FHOD3: variants seen among roughly 807,000 people sequenced by gnomAD.
The protein encoded by FHOD3 is FH1/FH2 domain-containing protein 3.
FHOD3 carries 90 observed loss-of-function variants against 173.0 expected under a neutral mutation model. The ratio of observed to expected loss-of-function variants is 0.52; its 90% CI spans 0.44 to 0.62. FHOD3 has a LOEUF of 0.62. FHOD3 is among the 20% of genes least tolerant of loss of function. FHOD3 has a pLI of 0.00. For synonymous variants in FHOD3, 828 were observed against 823.0 expected (o/e 1.01, Z -0.10); for missense variants, 1,945 against 2,034.7 (o/e 0.96, Z 0.85).
chr18:36,740,790 A>G lies in FHOD3; in HGVS notation c.3711A>G (p.Ala1237=), dbSNP rs764115457. Residue 1237 remains alanine, a synonymous_variant, in exon 21 of 29, where the codon GCA becomes GCG. Coordinates refer to ENST00000590592, the MANE Select transcript of FHOD3 (RefSeq NM_001281740.3). ...LTLSSISELS[A]RLHLWAFKMD... ...TGTCCTCCATCAGCGAGCTCTCTGCACGACTTCACCTCTGGGCATTCAAAA... is the reference window on the plus strand; with the variant it reads ...TGTCCTCCATCAGCGAGCTCTCTGCGCGACTTCACCTCTGGGCATTCAAAA... 9 of 1,613,994 alleles carry G rather than the reference A, an allele frequency of 5.6e-6. 1 individual carries two copies. The South Asian group carries it at 9.9e-5, about 18-fold the overall frequency.
intron 3 of FHOD3, among the ~76,000 whole-genome samples, chr18:36,402,761 C>G (rs1425976670): frequency 2.0e-5 from 3 of 152,184 alleles, no homozygotes; most frequent in African/African-American, 4.8e-5. Context: ...AAGGAATTTT[C>G]TATCTTTCTG....
intron 5 of FHOD3, among the ~76,000 whole-genome samples, chr18:36,520,655 G>C (rs1266024015): frequency 6.6e-6 from 1 of 152,196 alleles, no homozygotes; most frequent in Admixed American, 6.5e-5. Context: ...ATGCCTCCGA[G>C]TGCTTCAGCT....
intron 17 of FHOD3, among the ~76,000 whole-genome samples, chr18:36,705,267 C>T (rs571625094): frequency 2.0e-5 from 3 of 152,358 alleles, no homozygotes; most frequent in East Asian, 1.9e-4. Flanking sequence ...TGCCAGGCCA[C>T]GCAGCTTTCA....
chr18:36,537,606 A>G lies in FHOD3; in HGVS notation c.511+25063A>G, dbSNP rs926479668. The stretch of plus-strand genomic sequence containing the variant: ...TAAGGCAAAGAAAATTACCAGAAAC[A>G]GAGAAGGACATTACATAATGATGAA... On this transcript the variant is annotated intron_variant, in intron 5 of 28. Transcript: ENST00000590592. Among the ~76,000 whole-genome samples the G allele has an allele frequency of 1.1e-4, 17 of 152,216 alleles. 1 individual carries two copies. Among genetic ancestry groups the G allele is most frequent in the Admixed American group, 8.5e-4 (13 of 15,288 alleles).
intron 20 of FHOD3, among the ~76,000 whole-genome samples, chr18:36,735,511 C>T (rs1236976638): frequency 6.6e-6 from 1 of 152,224 alleles, no homozygotes; most frequent in East Asian, 1.9e-4. Flanking sequence ...TTCTCTAGCT[C>T]CGCCTTGGTG....
chr18:36,330,202 C>T (rs149534412), intron 1 of FHOD3, among the ~76,000 whole-genome samples: 12 of 152,298 alleles, frequency 7.9e-5, no homozygotes, highest in African/African-American at 2.4e-4. Context: ...GTTTTCTCCT[C>T]ATTCTTTGGC....
intron 3 of FHOD3, among the ~76,000 whole-genome samples, chr18:36,440,679 A>G (rs1359325478): frequency 2.0e-5 from 3 of 152,170 alleles, no homozygotes; most frequent in African/African-American, 7.2e-5. Flanking sequence ...TTCTTAATGA[A>G]CCTAAGCACC....
rs1184212163 is a variant in FHOD3, at chr18:36,759,056, C to G, written c.4426-62C>G. The G allele has an allele frequency of 4.0e-6, 6 of 1,516,324 alleles. No homozygotes were observed. The East Asian group carries it at 1.5e-4, about 37-fold the overall frequency. The allele number at this position is 1,516,324 out of a possible 1,614,324, so 93.9% of individuals were successfully genotyped here. On this transcript the variant is annotated intron_variant, in intron 25 of 28. Coordinates refer to ENST00000590592, the MANE Select transcript of FHOD3 (RefSeq NM_001281740.3). The stretch of plus-strand genomic sequence containing the variant: ...ATTGCGATGATCTTTTTGCTGACTT[C>G]TGTGCCTTCTAAGAATCCCTTCTGT...
chr18:36,505,245 A>G (rs2055242964), intron 4 of FHOD3, among the ~76,000 whole-genome samples: 1 of 152,276 alleles, frequency 6.6e-6, no homozygotes, highest in Admixed American at 6.5e-5. Context: ...GATAAAAAAG[A>G]GAAGTCATTT....
At chr18:36,735,689 A>G (rs1050787119) in intron 20 of FHOD3, among the ~76,000 whole-genome samples, 10 of 152,202 alleles carry the variant, frequency 6.6e-5, no homozygotes, top group African/African-American at 2.4e-4. Flanking sequence ...TGGATAGAAC[A>G]CTATTTTCTC....
chr18:36,736,177 G>C (rs1452858461), intron 20 of FHOD3, among the ~76,000 whole-genome samples: 1 of 152,252 alleles, frequency 6.6e-6, no homozygotes, highest in African/African-American at 2.4e-5. Context: ...CTGGGCACCA[G>C]CAGGAGCAAA....
intron 3 of FHOD3, among the ~76,000 whole-genome samples, chr18:36,425,315 G>A (rs900103304): frequency 1.3e-5 from 2 of 152,134 alleles, no homozygotes; most frequent in Non-Finnish European, 2.9e-5. Flanking sequence ...ATCTACTGGA[G>A]GTCTTGGAAT....
intron 8 of FHOD3, among the ~76,000 whole-genome samples, chr18:36,606,451 G>A (rs934428446): frequency 6.6e-6 from 1 of 152,048 alleles, no homozygotes; most frequent in African/African-American, 2.4e-5. Context: ...TGAGATAATG[G>A]CATTCATCCG....
At chr18:36,631,318 A>G (rs1297648309) in intron 10 of FHOD3, among the ~76,000 whole-genome samples, 2 of 152,190 alleles carry the variant, frequency 1.3e-5, no homozygotes, top group Non-Finnish European at 2.9e-5. Context: ...ATGGGAGGGC[A>G]AGTTCAGAAC....
chr18:36,361,815 C>T (rs2046638245), intron 2 of FHOD3, among the ~76,000 whole-genome samples: 1 of 152,162 alleles, frequency 6.6e-6, no homozygotes, highest in African/African-American at 2.4e-5. Flanking sequence ...AGAACCTTCC[C>T]TGCCACGCCC....
chr18:36,524,281 C>CAAAAAAA (rs34510109), intron 5 of FHOD3, among the ~76,000 whole-genome samples: 1 of 111,932 alleles, frequency 8.9e-6, no homozygotes. Context: ...GGCTCTACCT[C>CAAAAAAA]AAAAAAAAAA....
intron 6 of FHOD3, among the ~76,000 whole-genome samples, chr18:36,576,884 C>G (rs192756365): frequency 1.1e-3 from 166 of 152,216 alleles, no homozygotes; most frequent in African/African-American, 3.7e-3. Flanking sequence ...GGGTGGATCA[C>G]GAGATCGAGA....
At chr18:36,619,630 C>A (rs1444549837) in intron 9 of FHOD3, among the ~76,000 whole-genome samples, 1 of 152,232 alleles carries the variant, frequency 6.6e-6, no homozygotes. Flanking sequence ...GTTCATTCCA[C>A]AAAACTTCAT....
chr18:36,548,147 G>T (rs979826446), intron 5 of FHOD3, among the ~76,000 whole-genome samples: 7 of 152,112 alleles, frequency 4.6e-5, no homozygotes, highest in African/African-American at 1.7e-4. Flanking sequence ...AGCCGAGATC[G>T]TGCCACTGCA....
Sources: allele counts gnomAD v4.1 joint callset (sites outside exome capture counted in the v4.1 genomes callset), GRCh38; gene constraint gnomAD v4.1.1; transcripts MANE v1.5; gene names NCBI Gene and HGNC (gene_info 2026-07-23, HGNC 2026-07-21).